NFIL3: variants seen among roughly 807,000 people sequenced by gnomAD.
NFIL3 encodes nuclear factor interleukin-3-regulated protein.
A neutral mutation model predicts 10.0 loss-of-function variants in NFIL3; 5 were observed. The ratio of observed to expected loss-of-function variants is 0.50; its 90% confidence interval spans 0.26 to 1.06. The LOEUF is 1.06. Ranked by LOEUF, NFIL3 falls within the 50% of genes least tolerant of loss-of-function variation. The pLI, the probability that NFIL3 is intolerant of heterozygous loss-of-function variation, is 0.13. For synonymous variants in NFIL3, 202 were observed against 206.5 expected (o/e 0.98, Z 0.19); for missense variants, 436 against 547.6 (o/e 0.80, Z 2.03).
the NFIL3 span, among the ~76,000 whole-genome samples, chr9:91,476,457 C>T: frequency 6.6e-6 from 1 of 152,056 alleles, no homozygotes; most frequent in Non-Finnish European, 1.5e-5. Context: ...CCTGTAATCC[C>T]AGCTATTCTG....
the NFIL3 span, among the ~76,000 whole-genome samples, chr9:91,446,979 C>T: frequency 6.6e-6 from 1 of 152,074 alleles, no homozygotes; most frequent in African/African-American, 2.4e-5. Flanking sequence ...CCATGCCTGG[C>T]TAATTTTTGT....
At chr9:91,414,966 CT>C (rs1306862908) in intron 1 of NFIL3, among the ~76,000 whole-genome samples, 3 of 152,092 alleles carry the variant, frequency 2.0e-5, no homozygotes, top group Non-Finnish European at 4.4e-5. Context: ...AAACAGAAAA[CT>C]TTTTTGATGC....
intron 1 of NFIL3, among the ~76,000 whole-genome samples, chr9:91,411,806 A>G (rs1284174313): frequency 6.6e-6 from 1 of 152,188 alleles, no homozygotes; most frequent in Non-Finnish European, 1.5e-5. Context: ...GCTTTGAACT[A>G]AAAAACAGTT....
upstream of NFIL3, among the ~76,000 whole-genome samples, chr9:91,428,103 T>C (rs543852244): frequency 1.3e-5 from 2 of 152,286 alleles, no homozygotes; most frequent in South Asian, 4.1e-4. Context: ...TGGAATGATA[T>C]TTCTTTCCAC....
chr9:91,424,260 C>G (rs1587970248), upstream of NFIL3, among the ~76,000 whole-genome samples: 1 of 152,166 alleles, frequency 6.6e-6, no homozygotes, highest in Admixed American at 6.5e-5. Context: ...GCGACCCTCA[C>G]TTGCTCGCAG....
the NFIL3 span, among the ~76,000 whole-genome samples, chr9:91,455,340 C>T: frequency 3.3e-5 from 5 of 152,164 alleles, no homozygotes; most frequent in Non-Finnish European, 5.9e-5. Context: ...TTTCCTTCTG[C>T]ATTTATTACT....
At chr9:91,459,814 C>T in the NFIL3 span, among the ~76,000 whole-genome samples, 2 of 152,072 alleles carry the variant, frequency 1.3e-5, no homozygotes, top group South Asian at 2.1e-4. Flanking sequence ...TGCTATAGCT[C>T]GAATACAGTG....
At chr9:91,455,111 T>A in the NFIL3 span, among the ~76,000 whole-genome samples, 2 of 152,210 alleles carry the variant, frequency 1.3e-5, no homozygotes, top group African/African-American at 4.8e-5. Flanking sequence ...ATGAGGGTGA[T>A]GTTCCCTTTG....
chr9:91,429,608 A>G, the NFIL3 span, among the ~76,000 whole-genome samples: 1 of 151,362 alleles, frequency 6.6e-6, no homozygotes, highest in Non-Finnish European at 1.5e-5. Context: ...TCCGTTTGGT[A>G]AATGCACTTA....
chr9:91,410,093 C>A lies in NFIL3; in HGVS notation c.642G>T (p.Lys214Asn), dbSNP rs759140356. The A allele has an allele frequency of 9.1e-5, 147 of 1,613,804 alleles. No homozygotes were observed. The highest frequency in any genetic ancestry group is 1.2e-4 in the Non-Finnish European group (145 of 1,180,036). ...VQGSCRSPEN[K>N]FQIIKQEPME... is the part of the protein sequence containing the mutation. Reference sequence around the variant, plus strand: ...TCGGCTCTTGCTTGATAATCTGGAACTTGTTTTCAGGACTTCTGCAGCTTC... The same window carrying A: ...TCGGCTCTTGCTTGATAATCTGGAAATTGTTTTCAGGACTTCTGCAGCTTC... The change falls in exon 2 of 2, where the codon AAG becomes AAT. Residue 214 changes from lysine to asparagine, a missense_variant. This residue lies in a region of NFIL3 where 338 missense variants were observed against 399.9 expected (regional missense o/e 0.85). Coordinates refer to ENST00000297689, the MANE Select transcript of NFIL3 (RefSeq NM_005384.3). The surrounding 1 kb of genome is among the most constrained non-coding windows in gnomAD (Gnocchi z 5.7).
chr9:91,482,457 T>C, the NFIL3 span, among the ~76,000 whole-genome samples: 1 of 151,990 alleles, frequency 6.6e-6, no homozygotes, highest in Non-Finnish European at 1.5e-5. Flanking sequence ...ATGATGATGA[T>C]GATGATGGTG....
At chr9:91,456,818 T>C in the NFIL3 span, among the ~76,000 whole-genome samples, 1 of 152,098 alleles carries the variant, frequency 6.6e-6, no homozygotes, top group Non-Finnish European at 1.5e-5. Flanking sequence ...AGGTATTTTA[T>C]AGTTTAGGTT....
At chr9:91,439,144 T>G in the NFIL3 span, among the ~76,000 whole-genome samples, 128 of 152,332 alleles carry the variant, frequency 8.4e-4, no homozygotes, top group African/African-American at 2.9e-3. Context: ...ATTGTATTCA[T>G]GGGCATGGGA....
At chr9:91,427,170 G>C (rs1833880859), upstream of NFIL3, 1 of 151,816 alleles carries the variant, frequency 6.6e-6, no homozygotes, top group Non-Finnish European at 1.5e-5. Flanking sequence ...TTATTCAAAA[G>C]AAAGTTGACT....
the NFIL3 span, among the ~76,000 whole-genome samples, chr9:91,455,840 C>G: frequency 6.6e-6 from 1 of 152,124 alleles, no homozygotes; most frequent in Non-Finnish European, 1.5e-5. Context: ...AAGGTCATAG[C>G]CAAGGTCTGA....
At chr9:91,461,820 T>G in the NFIL3 span, among the ~76,000 whole-genome samples, 1 of 152,214 alleles carries the variant, frequency 6.6e-6, no homozygotes, top group East Asian at 1.9e-4. Context: ...CTCTTAAGGA[T>G]GAACCTCAGG....
chr9:91,473,852 A>T, the NFIL3 span, among the ~76,000 whole-genome samples: 1 of 152,238 alleles, frequency 6.6e-6, no homozygotes, highest in Non-Finnish European at 1.5e-5. Flanking sequence ...AACAATCTCC[A>T]ATTCTCTGAG....
the NFIL3 span, among the ~76,000 whole-genome samples, chr9:91,454,420 G>GA: frequency 2.3e-4 from 34 of 147,478 alleles, no homozygotes; most frequent in East Asian, 9.9e-4. Flanking sequence ...TTTTGACTCT[G>GA]AAAAAAAAAA....
chr9:91,452,359 A>T, the NFIL3 span, among the ~76,000 whole-genome samples: 1 of 152,218 alleles, frequency 6.6e-6, no homozygotes, highest in African/African-American at 2.4e-5. Context: ...ATTGCCAATC[A>T]GAAAAATTTT....
Sources: gnomAD v4.1 joint callset for allele counts (sites outside exome capture counted in the v4.1 genomes callset) on GRCh38, gnomAD v4.1.1 for gene constraint, gnomAD v4.1.1 regional missense constraint, Gnocchi (gnomAD v3.1) non-coding constraint, MANE v1.5 for transcripts, NCBI Gene and HGNC (gene_info 2026-07-23, HGNC 2026-07-21) for gene names.